Variants in NFATC1 observed in about 807,000 individuals in gnomAD.
NFATC1 encodes the protein nuclear factor of activated T-cells, cytoplasmic 1.
A neutral mutation model predicts 76.0 loss-of-function variants in NFATC1; 22 were observed. That is an observed-to-expected ratio of 0.29 (90% CI 0.21 to 0.41). NFATC1 has a LOEUF of 0.41. Ranked by LOEUF, NFATC1 falls within the 10% of genes least tolerant of loss-of-function variation. NFATC1 has a pLI of 1.00. For synonymous variants in NFATC1, 704 were observed against 613.1 expected (o/e 1.15, Z -2.19); for missense variants, 1,357 against 1,337.7 (o/e 1.01, Z -0.23).
chr18:79,476,299 G>A (rs7408083), intron 8 of NFATC1, among the ~76,000 whole-genome samples: 61,658 of 152,276 alleles, frequency 0.4, 13,536 homozygotes, highest in Middle Eastern at 0.62. Context: ...GGCTCCAGCC[G>A]GAATGGCAAA....
intron 9 of NFATC1, among the ~76,000 whole-genome samples, chr18:79,507,214 T>C (rs2145157486): frequency 6.6e-6 from 1 of 152,346 alleles, no homozygotes; most frequent in East Asian, 1.9e-4. Flanking sequence ...GCTGCTGTTA[T>C]TTTAGATATG....
intron 2 of NFATC1, chr18:79,422,325 A>G (rs11660472): frequency 0.15 from 23,518 of 152,292 alleles, 2,499 homozygotes; most frequent in African/African-American, 0.3. Flanking sequence ...CCCACTGCCA[A>G]AACTTCCTGT....
At chr18:79,491,151 A>G (rs1362244687) in intron 9 of NFATC1, among the ~76,000 whole-genome samples, 6 of 152,064 alleles carry the variant, frequency 3.9e-5, no homozygotes, top group Non-Finnish European at 8.8e-5. Context: ...GTATTAATAT[A>G]TATTTTGTCT....
intron 8 of NFATC1, chr18:79,467,876 TCTG>T (rs2088596821): frequency 2.5e-6 from 3 of 1,192,228 alleles, no homozygotes; most frequent in African/African-American, 1.6e-5. Context: ...ACATGGCTCT[TCTG>T]CTCCAAAAAA....
chr18:79,450,847 C>G (rs548490070), intron 4 of NFATC1, 107 bp from the exon 5 acceptor site: 2 of 1,408,866 alleles, frequency 1.4e-6, no homozygotes, highest in African/African-American at 2.9e-5. Context: ...AGCTGCCTGG[C>G]ACGAGCTCGT....
chr18:79,402,463 C>A, intron 1 of NFATC1: 1 of 913,470 alleles, frequency 1.1e-6, no homozygotes, highest in Non-Finnish European at 1.3e-6. Context: ...AAGCCGTGAA[C>A]CTCACCCTCG....
intron 6 of NFATC1, among the ~76,000 whole-genome samples, chr18:79,456,304 T>C (rs1009503714): frequency 2.0e-5 from 3 of 152,176 alleles, no homozygotes; most frequent in Non-Finnish European, 4.4e-5. Context: ...GGCCATGTCA[T>C]CCAGGTGCAG....
chr18:79,451,208 C>T (rs546385297), intron 5 of NFATC1, 82 bp downstream of exon 5: 33 of 1,491,294 alleles, frequency 2.2e-5, no homozygotes, highest in Admixed American at 9.3e-5. Context: ...CTCAGCTTTT[C>T]GTTCGTGTAG....
At chr18:79,474,210 G>A (rs1171104571) in intron 8 of NFATC1, among the ~76,000 whole-genome samples, 8 of 12,452 alleles carry the variant, frequency 6.4e-4, no homozygotes, top group Admixed American at 1.4e-3. Flanking sequence ...GTGTTCTCAT[G>A]CTCACTGTCG....
At chr18:79,516,524 G>C (rs1489190416) in intron 9 of NFATC1, among the ~76,000 whole-genome samples, 1 of 152,196 alleles carries the variant, frequency 6.6e-6, no homozygotes, top group Non-Finnish European at 1.5e-5. Flanking sequence ...AACCGCCCTT[G>C]TTCTTACCCC....
At chr18:79,487,326 G>A (rs1569023347) in intron 9 of NFATC1, among the ~76,000 whole-genome samples, 1 of 152,240 alleles carries the variant, frequency 6.6e-6, no homozygotes, top group African/African-American at 2.4e-5. Flanking sequence ...TCGGGGCATC[G>A]TGGGTGCCGC....
intron 7 of NFATC1, among the ~76,000 whole-genome samples, chr18:79,464,672 A>ACT: frequency 9.6e-6 from 1 of 104,148 alleles, no homozygotes; most frequent in Non-Finnish European, 2.1e-5. Context: ...GTGTGTGTGT[A>ACT]TATGTATGTG....
chr18:79,399,392 C>T (rs1050600974), intron 1 of NFATC1, among the ~76,000 whole-genome samples: 7 of 152,208 alleles, frequency 4.6e-5, no homozygotes, highest in African/African-American at 1.7e-4. Flanking sequence ...TTTGGGGTTG[C>T]CAGCCTTGAC....
intron 9 of NFATC1, among the ~76,000 whole-genome samples, chr18:79,515,236 T>C (rs1311074683): frequency 6.7e-6 from 1 of 149,516 alleles, no homozygotes; most frequent in Non-Finnish European, 1.5e-5. Context: ...TCCCAGCTAC[T>C]CAGGAGGCTG....
At chr18:79,520,545 T>G (rs113261057) in intron 9 of NFATC1, among the ~76,000 whole-genome samples, 3,924 of 109,898 alleles carry the variant, frequency 0.036, 88 homozygotes, top group Admixed American at 0.067. Flanking sequence ...GGGGGGAGGG[T>G]GCATCCACCA....
At chr18:79,398,365 C>T (rs565573805) in intron 1 of NFATC1, among the ~76,000 whole-genome samples, 2 of 152,366 alleles carry the variant, frequency 1.3e-5, no homozygotes, top group South Asian at 4.1e-4. Context: ...GCTGGCACCC[C>T]GCTTCATCAC....
At chr18:79,502,314 C>T (rs540577113) in intron 9 of NFATC1, among the ~76,000 whole-genome samples, 7 of 152,196 alleles carry the variant, frequency 4.6e-5, no homozygotes, top group Non-Finnish European at 7.3e-5. Context: ...AAAACACACA[C>T]CACGCACCGA....
rs576505795 is a variant in NFATC1, at chr18:79,486,317, G to A, written c.2162G>A (p.Gly721Glu). The A allele has an allele frequency of 3.5e-5, 57 of 1,613,176 alleles. No homozygotes were observed. The East Asian group carries it at 9.8e-4, about 28-fold the overall frequency. Residue 721 changes from glycine (G) to glutamate (E), a missense_variant, in exon 9 of 10, where the codon GGG becomes GAG. Around this residue, in one of 3 missense-constraint regions of NFATC1, gnomAD observed 424 missense variants for 395.4 expected, o/e 1.07. Coordinates refer to ENST00000427363, the MANE Select transcript of NFATC1 (RefSeq NM_001278669.2). The stretch of plus-strand genomic sequence containing the variant: ...CCAACCTGTGGACCGGTGAGCCAGG[G>A]GTTAAGTCCTCTCCCAAGACCATAC... ...PAPTCGPVSQ[G>E]LSPLPRPYYS... is the part of the protein sequence containing the mutation.
In NFATC1 at chr18:79,413,835, T is replaced by A. The variant is rs187189178; in HGVS notation, c.1226+2334T>A. Among the ~76,000 whole-genome samples the A allele has an allele frequency of 1.7e-3, 262 of 152,212 alleles. 2 individuals carry two copies. The highest frequency in any genetic ancestry group is 6.0e-3 in the African/African-American group (248 of 41,536). On this transcript the variant is annotated intron_variant, in intron 2 of 9. Coordinates refer to ENST00000427363, the MANE Select transcript of NFATC1 (RefSeq NM_001278669.2). ...TGGTGTGGAGGTTGGAAAGCATGGGTGGCTGTTTATTTTTTCCTCTGCTTG... is the reference window on the plus strand; with the variant it reads ...TGGTGTGGAGGTTGGAAAGCATGGGAGGCTGTTTATTTTTTCCTCTGCTTG...
Sources: gnomAD v4.1 joint callset for allele counts (sites outside exome capture counted in the v4.1 genomes callset) on GRCh38, gnomAD v4.1.1 for gene constraint, gnomAD v4.1.1 regional missense constraint, MANE v1.5 for transcripts, NCBI Gene and HGNC (gene_info 2026-07-23, HGNC 2026-07-21) for gene names.